Variants in SUPT7L observed in about 807,000 individuals in gnomAD.
The protein encoded by SUPT7L is STAGA complex 65 subunit gamma.
A neutral mutation model predicts 35.7 loss-of-function variants in SUPT7L; 15 were observed. The observed-to-expected ratio is 0.42, with a 90% CI of 0.28 to 0.65. The LOEUF (loss-of-function observed/expected upper bound fraction) is 0.65, where lower values mean the gene tolerates loss of function less well. Ranked by LOEUF, SUPT7L falls within the 30% of genes least tolerant of loss-of-function variation. The pLI, the probability that SUPT7L is intolerant of heterozygous loss-of-function variation, is 0.23. For synonymous variants in SUPT7L, 168 were observed against 186.2 expected, an observed-to-expected ratio of 0.90 and a Z score of 0.79; for missense variants, 434 against 522.2, an observed-to-expected ratio of 0.83 and a Z score of 1.65.
the SUPT7L span, among the ~76,000 whole-genome samples, chr2:27,644,170 C>T: frequency 6.6e-6 from 1 of 152,026 alleles, no homozygotes; most frequent in Admixed American, 6.6e-5. Flanking sequence ...GTGAGACTCC[C>T]TCCATCTTAA....
Position 27,657,451 on chromosome 2 carries a change from G to A in SUPT7L, c.638C>T (p.Pro213Leu). 2 of 1,614,260 alleles carry A rather than the reference G, an allele frequency of 1.2e-6. No homozygotes were observed. ...REARLGQTPF[P>L]DVMEQVFHEV... Reference sequence around the variant, plus strand: ...ATGGAATACCTGCTCCATCACATCAGGAAAAGGAGTCTGTCCCAGCCGGGC... The same window carrying A: ...ATGGAATACCTGCTCCATCACATCAAGAAAAGGAGTCTGTCCCAGCCGGGC... Residue 213 changes from proline to leucine, a missense_variant, in exon 4 of 6, where the codon CCT becomes CTT. Coordinates refer to ENST00000337768, the MANE Select transcript of SUPT7L (RefSeq NM_014860.3). The surrounding 1 kb of genome is among the most constrained non-coding windows in gnomAD (Gnocchi z 5.2).
At chr2:27,650,212 ACACTT>A (rs1403985552), downstream of SUPT7L, 3 of 1,483,652 alleles carry the variant, frequency 2.0e-6, no homozygotes, top group African/African-American at 2.8e-5. Flanking sequence ...AGACTTTAGC[ACACTT>A]CACTTGTTTC....
At chr2:27,645,834 A>G (rs953184035), downstream of SUPT7L, among the ~76,000 whole-genome samples, 1 of 151,308 alleles carries the variant, frequency 6.6e-6, no homozygotes, top group Non-Finnish European at 1.5e-5. Flanking sequence ...GGTTCAAGCT[A>G]TTCTCCTGCC....
rs1675219364 is a variant in SUPT7L at position 27,663,481 on chromosome 2, C to G, written c.-242G>C. 4.8e-6 allele frequency: 2 copies of G among 412,396 alleles called. No individual in the cohort carries two copies. The highest frequency in any genetic ancestry group is 9.0e-6 in the Non-Finnish European group (2 of 221,378). The allele number at this position is 412,396 out of a possible 1,614,324, so 25.5% of individuals were successfully genotyped here. On this transcript the variant is annotated 5_prime_UTR_variant, in exon 1 of 6. Coordinates refer to ENST00000337768, the MANE Select transcript of SUPT7L (RefSeq NM_014860.3). ...AGCCGGAAGACGGGGAGGTCTGGAC[C>G]TGAACCGAGACAAGGAGGTACCACA...
At chr2:27,646,501 A>AT (rs925460407), downstream of SUPT7L, among the ~76,000 whole-genome samples, 2 of 151,846 alleles carry the variant, frequency 1.3e-5, no homozygotes, top group South Asian at 2.1e-4. Context: ...TGAATTAAAA[A>AT]TTTTTTTTTA....
chr2:27,661,763 A>C (rs1675122994), intron 2 of SUPT7L: 3 of 514,292 alleles, frequency 5.8e-6, no homozygotes, highest in Admixed American at 8.9e-5. Context: ...CTCACTCACT[A>C]ACTCATTACC....
rs1421947022 is a variant in SUPT7L, at chr2:27,653,577, C to T, written c.1153G>A (p.Asp385Asn). The T allele has an allele frequency of 6.2e-7, 1 of 1,614,208 alleles. No homozygotes were observed. The highest frequency in any genetic ancestry group is 8.5e-7 in the Non-Finnish European group (1 of 1,180,044). Reference sequence around the variant, plus strand: ...GTGGAGTGGGAACCATAGCTGCTATCTGAGTCATCAGGGCTCTGAGGAATC... The same window carrying T: ...GTGGAGTGGGAACCATAGCTGCTATTTGAGTCATCAGGGCTCTGAGGAATC... ...AGIPQSPDDS[D>N]SSYGSHSTDS... The change falls in exon 6 of 6, where the codon GAT becomes AAT. Residue 385 changes from aspartate (D) to asparagine (N), a missense_variant. This residue lies in a region of SUPT7L where 159 missense variants were observed against 217.1 expected (regional missense o/e 0.73). Transcript: ENST00000337768.
At position 27,655,544 on chromosome 2, in the gene SUPT7L, T is replaced by G. The variant is rs535145831; in HGVS notation, c.803A>C (p.Glu268Ala). The G allele has an allele frequency of 1.2e-5, 20 of 1,613,554 alleles. No homozygotes were observed. The South Asian group carries it at 2.2e-4, about 18-fold the overall frequency. ...CTTGATCTTCACAGGTTTAGCGTCC[T>G]CTGTGGCCTTCTCAGGATTGACAAT... ...ERIVNPEKAT[E>A]DAKPVKIKEE... Residue 268 changes from glutamate (E) to alanine (A), a missense_variant, in exon 5 of 6, where the codon GAG becomes GCG. Transcript: ENST00000337768.
In SUPT7L at chr2:27,652,273, CAT is replaced by C. The variant is rs1342330483; in HGVS notation, c.*1210_*1211del. ...TGTTAAACTATAACCTCATTTGTAT[CAT>C]ATTCATTTATTCTCAATACCTGGGA... On this transcript the variant is annotated 3_prime_UTR_variant, in exon 6 of 6. Transcript: ENST00000337768. 1.3e-5 allele frequency: 2 copies of C among 152,308 alleles called. No homozygotes were observed. Among genetic ancestry groups the C allele is most frequent in the African/African-American group, 2.4e-5 (1 of 41,434 alleles). 9.4% of individuals were successfully genotyped at this position (152,308 alleles called of 1,614,324 possible).
rs1674616922 is a variant in SUPT7L at position 27,652,774 on chromosome 2, A to G, written c.*711T>C. On this transcript the variant is annotated 3_prime_UTR_variant, in exon 6 of 6. Coordinates refer to ENST00000337768, the MANE Select transcript of SUPT7L (RefSeq NM_014860.3). ...AGGAAAGAAACAATTGAAAATATGTATATGGTGAAAGTATGTGAGTCCGAG... is the reference window on the plus strand; with the variant it reads ...AGGAAAGAAACAATTGAAAATATGTGTATGGTGAAAGTATGTGAGTCCGAG... 6.5e-6 allele frequency: 1 copy of G among 152,848 alleles called. No homozygotes were observed. The highest frequency in any genetic ancestry group is 1.5e-5 in the Non-Finnish European group (1 of 68,108). 9.5% of individuals were successfully genotyped at this position (152,848 alleles called of 1,614,324 possible). A position where few individuals can be genotyped will look rare whatever the true frequency, so the allele number is the denominator to read the frequency against.
Position 27,655,355 on chromosome 2 carries a change from T to C in SUPT7L, c.982+10A>G. ...CCCAGAATCAAAGTGAGTAAGTTTA[T>C]TTGTCTTACTTGAAGCCTGTGGTGA... On this transcript the variant is annotated intron_variant, in intron 5 of 5. Coordinates refer to ENST00000337768, the MANE Select transcript of SUPT7L (RefSeq NM_014860.3). 6.5e-7 allele frequency: 1 copy of C among 1,528,582 alleles called. No homozygotes were observed. The highest frequency in any genetic ancestry group is 8.8e-7 in the Non-Finnish European group (1 of 1,139,830). 94.7% of individuals were successfully genotyped at this position (1,528,582 alleles called of 1,614,324 possible). A position where few individuals can be genotyped will look rare whatever the true frequency, so the allele number is the denominator to read the frequency against.
In SUPT7L at chr2:27,653,381, T is replaced by G; in HGVS notation, c.*104A>C. On this transcript the variant is annotated 3_prime_UTR_variant, in exon 6 of 6. Transcript: ENST00000337768. Reference sequence around the variant, plus strand: ...TGGAATTAGGAAAAACCACTTGTGTTTAAGAACAGGAGTCAAATCAATTTT... The same window carrying G: ...TGGAATTAGGAAAAACCACTTGTGTGTAAGAACAGGAGTCAAATCAATTTT... 6.8e-7 allele frequency: 1 copy of G among 1,475,798 alleles called. No individual in the cohort carries two copies. The highest frequency in any genetic ancestry group is 9.0e-7 in the Non-Finnish European group (1 of 1,109,322). 91.4% of individuals were successfully genotyped at this position (1,475,798 alleles called of 1,614,324 possible). A position where few individuals can be genotyped will look rare whatever the true frequency, so the allele number is the denominator to read the frequency against.
chr2:27,658,934 C>T (rs954317568), intron 3 of SUPT7L, among the ~76,000 whole-genome samples: 1 of 152,150 alleles, frequency 6.6e-6, no homozygotes, highest in Non-Finnish European at 1.5e-5. Context: ...TTTTGTTATA[C>T]AGTTTCCTAA....
Position 27,662,526 on chromosome 2 carries a change from A to G in SUPT7L, c.-89-245T>C, listed in dbSNP as rs138121676. ...TCTGCCAACCTTGCACATCCCTGGC[A>G]GACTCATATTCATTTTTAAGTACAG... On this transcript the variant is annotated intron_variant, in intron 1 of 5. Coordinates refer to ENST00000337768, the MANE Select transcript of SUPT7L (RefSeq NM_014860.3). 3.8e-3 allele frequency among the ~76,000 whole-genome samples: 577 copies of G among 152,324 alleles called. 1 individual carries two copies. Among genetic ancestry groups the G allele is most frequent in the African/African-American group, 0.013 (557 of 41,568 alleles).
At position 27,657,645 on chromosome 2, in the gene SUPT7L, T is replaced by G. The variant is rs757009850; in HGVS notation, c.444A>C (p.Glu148Asp). 1.4e-5 allele frequency: 23 copies of G among 1,613,370 alleles called. No individual in the cohort carries two copies. The highest frequency in any genetic ancestry group is 1.9e-5 in the Non-Finnish European group (22 of 1,179,500). The change falls in exon 4 of 6, where the codon GAA becomes GAC. Residue 148 changes from glutamate to aspartate, a missense_variant. Glu to Asp is a conservative substitution (Grantham distance 45). Around this residue, in one of 3 missense-constraint regions of SUPT7L, gnomAD observed 198 missense variants for 190.8 expected, o/e 1.04. Coordinates refer to ENST00000337768, the MANE Select transcript of SUPT7L (RefSeq NM_014860.3). This position sits in a 1 kb window ranked among gnomAD's most constrained non-coding sequence, Gnocchi z 5.2. ...FYRGKGEPVT[E>D]LSWHSCRQLL... Reference sequence around the variant, plus strand: ...GCTGCCGACAGGAGTGCCAGCTGAGTTCAGTCACAGGTTCCCCTTTCCCAC... The same window carrying G: ...GCTGCCGACAGGAGTGCCAGCTGAGGTCAGTCACAGGTTCCCCTTTCCCAC...
the SUPT7L span, among the ~76,000 whole-genome samples, chr2:27,642,950 T>TACACACACAC: frequency 3.7e-4 from 14 of 37,586 alleles, no homozygotes; most frequent in African/African-American, 7.4e-4. Context: ...GTTTTATATA[T>TACACACACAC]ATATATATAC....
At chr2:27,662,980 G>C (rs1675194777) in intron 1 of SUPT7L, among the ~76,000 whole-genome samples, 1 of 118,352 alleles carries the variant, frequency 8.4e-6, no homozygotes, top group Admixed American at 1.1e-4. Flanking sequence ...GCGAGACAGG[G>C]TCTCGCCATG....
Position 27,653,576 on chromosome 2 carries a change from T to G in SUPT7L, c.1154A>C (p.Asp385Ala), listed in dbSNP as rs767404099. 1 of 1,614,238 alleles carries G rather than the reference T, an allele frequency of 6.2e-7. No individual in the cohort carries two copies. The highest frequency in any genetic ancestry group is 2.2e-5 in the East Asian group (1 of 44,886). Residue 385 changes from aspartate to alanine, a missense_variant, in exon 6 of 6, where the codon GAT becomes GCT. Transcript: ENST00000337768. Reference sequence around the variant, plus strand: ...AGTGGAGTGGGAACCATAGCTGCTATCTGAGTCATCAGGGCTCTGAGGAAT... The same window carrying G: ...AGTGGAGTGGGAACCATAGCTGCTAGCTGAGTCATCAGGGCTCTGAGGAAT... ...AGIPQSPDDSDSSYGSHSTDS... is the reference protein window; with the variant it reads ...AGIPQSPDDSASSYGSHSTDS...
In SUPT7L at chr2:27,657,039, C is replaced by T. The variant is rs146601708; in HGVS notation, c.744+306G>A. 1.2e-3 allele frequency among the ~76,000 whole-genome samples: 176 copies of T among 152,330 alleles called. No homozygotes were observed. The highest frequency in any genetic ancestry group is 3.8e-3 in the African/African-American group (160 of 41,584). ...AGTAACTGCTGAATCCCACAATGCT[C>T]GACTCTCAACAGGCACTCAATAAAT... On this transcript the variant is annotated intron_variant, in intron 4 of 5. Transcript: ENST00000337768. The surrounding 1 kb of genome is among the most constrained non-coding windows in gnomAD (Gnocchi z 5.2).
Sources: allele counts gnomAD v4.1 joint callset (sites outside exome capture counted in the v4.1 genomes callset), GRCh38; gene constraint gnomAD v4.1.1; regional missense constraint gnomAD v4.1.1; non-coding constraint Gnocchi (gnomAD v3.1); transcripts MANE v1.5; gene names NCBI Gene and HGNC (gene_info 2026-07-23, HGNC 2026-07-21).